CA10: variants seen among roughly 807,000 people sequenced by gnomAD.
CA10 encodes the protein carbonic anhydrase-related protein 10.
A neutral mutation model predicts 44.2 loss-of-function variants in CA10; 14 were observed. That is an observed-to-expected ratio of 0.32 (90% CI 0.21 to 0.50). The LOEUF (loss-of-function observed/expected upper bound fraction) is 0.50. CA10 is among the 20% of genes least tolerant of loss of function. The pLI is 0.99. For missense variants in CA10, 350 were observed against 409.7 expected, an observed-to-expected ratio of 0.85 and a Z score of 1.26; for synonymous variants, 159 against 141.6, an observed-to-expected ratio of 1.12 and a Z score of -0.87.
intron 2 of CA10, among the ~76,000 whole-genome samples, chr17:51,998,541 T>C (rs372087789): frequency 2.4e-4 from 36 of 152,222 alleles, no homozygotes; most frequent in African/African-American, 8.7e-4. Context: ...CATTTTCCTT[T>C]TATTAATTAA....
chr17:52,110,617 G>T (rs976767236), intron 1 of CA10, among the ~76,000 whole-genome samples: 25 of 152,194 alleles, frequency 1.6e-4, no homozygotes, highest in Admixed American at 2.0e-4. Flanking sequence ...AGGGAAGTAA[G>T]ACAGAGTCGG....
intron 1 of CA10, among the ~76,000 whole-genome samples, chr17:52,087,201 C>T (rs1265245291): frequency 6.6e-6 from 1 of 152,190 alleles, no homozygotes; most frequent in East Asian, 1.9e-4. Context: ...AGGGCAGTGG[C>T]CTGATGTCGT....
intron 1 of CA10, among the ~76,000 whole-genome samples, chr17:52,099,870 A>G (rs2134511): frequency 0.14 from 21,956 of 152,226 alleles, 1,869 homozygotes; most frequent in East Asian, 0.41. Context: ...ACTATATGTG[A>G]TGCTACTGTA....
intron 2 of CA10, among the ~76,000 whole-genome samples, chr17:51,947,224 C>CAAAAAA (rs1198796736): frequency 1.9e-5 from 1 of 52,108 alleles, no homozygotes; most frequent in East Asian, 6.4e-4. Context: ...TCTTCATGTG[C>CAAAAAA]AAAAAAAAAA....
intron 1 of CA10, among the ~76,000 whole-genome samples, chr17:52,111,915 T>C (rs904624455): frequency 1.3e-5 from 2 of 152,124 alleles, no homozygotes; most frequent in African/African-American, 4.8e-5. Context: ...TCTAATACTC[T>C]CTCTACTGGT....
intron 1 of CA10, among the ~76,000 whole-genome samples, chr17:52,087,932 A>AAAAGGATTTT (rs1351588265): frequency 6.6e-6 from 1 of 152,188 alleles, no homozygotes; most frequent in East Asian, 1.9e-4. Flanking sequence ...AACTACATAC[A>AAAAGGATTTT]AAAGGATTTT....
chr17:51,847,139 C>G (rs1978530555), intron 3 of CA10, among the ~76,000 whole-genome samples: 1 of 152,180 alleles, frequency 6.6e-6, no homozygotes, highest in African/African-American at 2.4e-5. Flanking sequence ...AAAAGAGATT[C>G]TGAGTCTCAC....
At chr17:51,899,199 T>C (rs918570110) in intron 3 of CA10, among the ~76,000 whole-genome samples, 3 of 152,128 alleles carry the variant, frequency 2.0e-5, no homozygotes, top group African/African-American at 2.4e-5. Context: ...ATATTTTTCT[T>C]AAGTTGGAAC....
chr17:52,032,816 T>C (rs1662049056), intron 2 of CA10, among the ~76,000 whole-genome samples: 1 of 152,156 alleles, frequency 6.6e-6, no homozygotes, highest in South Asian at 2.1e-4. Flanking sequence ...GATGTCAATA[T>C]ACTCCAATAA....
chr17:51,678,565 G>A (rs563775249), intron 4 of CA10, among the ~76,000 whole-genome samples: 1 of 152,206 alleles, frequency 6.6e-6, no homozygotes, highest in African/African-American at 2.4e-5. Flanking sequence ...TCCAGCATGT[G>A]TATGTGGTCA....
At chr17:52,099,842 T>C (rs1301651390) in intron 1 of CA10, among the ~76,000 whole-genome samples, 1 of 152,144 alleles carries the variant, frequency 6.6e-6, no homozygotes, top group Non-Finnish European at 1.5e-5. Flanking sequence ...AAGAAGTGTT[T>C]CAAGGAGGCA....
chr17:51,886,729 C>G (rs2143899390), intron 3 of CA10, among the ~76,000 whole-genome samples: 1 of 152,310 alleles, frequency 6.6e-6, no homozygotes, highest in South Asian at 2.1e-4. Context: ...AGAATATTGT[C>G]CTCACAGAAT....
chr17:52,087,482 G>A lies in CA10; in HGVS notation c.62-15089C>T, dbSNP rs184826539. On this transcript the variant is annotated intron_variant, in intron 1 of 8. Coordinates refer to ENST00000451037, the MANE Select transcript of CA10 (RefSeq NM_020178.5). ...AAATGCTAGACAAAAAGAGGCAAAT[G>A]TCAAGAAAGTAAGATTAGAGAAATT... Among the ~76,000 whole-genome samples the A allele has an allele frequency of 7.4e-4, 112 of 152,290 alleles. 1 individual carries two copies. The highest frequency in any genetic ancestry group is 1.0e-3 in the South Asian group (5 of 4,822).
rs1988655348 is a variant in CA10, at chr17:52,106,075, A to C, written c.62-33682T>G. 2.0e-5 allele frequency among the ~76,000 whole-genome samples: 3 copies of C among 152,372 alleles called. 1 individual carries two copies. Among genetic ancestry groups the C allele is most frequent in the Middle Eastern group, 3.4e-3 (1 of 294 alleles). ...CAGCTTGGCTCCTAAGTAAAGCCAA[A>C]GATCTTTCTTGTGCTTATTTCTTAG... On this transcript the variant is annotated intron_variant, in intron 1 of 8. Transcript: ENST00000451037.
intron 2 of CA10, among the ~76,000 whole-genome samples, chr17:52,031,860 A>C (rs1986477200): frequency 1.3e-5 from 2 of 152,204 alleles, no homozygotes; most frequent in African/African-American, 4.8e-5. Context: ...AGAAATTGAG[A>C]ATGTCTGGCT....
chr17:52,139,423 T>C (rs552640610), intron 1 of CA10, among the ~76,000 whole-genome samples: 41 of 152,068 alleles, frequency 2.7e-4, no homozygotes, highest in Non-Finnish European at 4.6e-4. Context: ...CATATGGCTC[T>C]TACTTTATCC....
At chr17:52,075,392 T>C (rs1987792070) in intron 1 of CA10, among the ~76,000 whole-genome samples, 1 of 152,174 alleles carries the variant, frequency 6.6e-6, no homozygotes, top group South Asian at 2.1e-4. Context: ...TAGTGAACTC[T>C]TGGGAAAGAT....
intron 3 of CA10, among the ~76,000 whole-genome samples, chr17:51,840,326 C>A (rs918419391): frequency 6.6e-6 from 1 of 152,122 alleles, no homozygotes; most frequent in African/African-American, 2.4e-5. Flanking sequence ...CCTTTCTGGG[C>A]AAACTGGATA....
chr17:51,647,057 C>G (rs1913371467), intron 6 of CA10, among the ~76,000 whole-genome samples: 2 of 151,964 alleles, frequency 1.3e-5, no homozygotes, highest in Admixed American at 6.5e-5. Flanking sequence ...GTATGGGGGT[C>G]AGAAGGAGAG....
Sources: gnomAD v4.1 joint callset for allele counts (sites outside exome capture counted in the v4.1 genomes callset) on GRCh38, gnomAD v4.1.1 for gene constraint, MANE v1.5 for transcripts, NCBI Gene and HGNC (gene_info 2026-07-23, HGNC 2026-07-21) for gene names.